The following PTPRN2 variants were observed in gnomAD, a reference collection of about 807,000 sequenced individuals.
PTPRN2 encodes the protein receptor-type tyrosine-protein phosphatase N2.
In PTPRN2, 74 loss-of-function variants were observed where a neutral mutation model predicts 118.8. The ratio of observed to expected loss-of-function variants is 0.62; its 90% CI spans 0.52 to 0.76. The LOEUF is 0.76. PTPRN2 is among the 30% of genes least tolerant of loss of function. The pLI is 0.00. For synonymous variants in PTPRN2, 641 were observed against 608.0 expected (o/e 1.05, Z -0.80); for missense variants, 1,481 against 1,394.4 (o/e 1.06, Z -0.99).
At chr7:158,155,533 CACTATCATCACCATCAACACCATCAT>C in intron 6 of PTPRN2, among the ~76,000 whole-genome samples, 1 of 134,888 alleles carries the variant, frequency 7.4e-6, no homozygotes, top group East Asian at 2.4e-4. Flanking sequence ...TCACCATCAG[CACTATCATCACCATCAACACCATCAT>C]CATCATTGCC....
At chr7:158,442,057 G>A (rs1013723576) in intron 2 of PTPRN2, among the ~76,000 whole-genome samples, 15 of 150,384 alleles carry the variant, frequency 1.0e-4, no homozygotes, top group Non-Finnish European at 1.9e-4. Context: ...TGGTGGTGAT[G>A]GTGATGGCAG....
chr7:157,641,639 A>C (rs1163619395), intron 14 of PTPRN2, among the ~76,000 whole-genome samples: 3 of 152,120 alleles, frequency 2.0e-5, no homozygotes, highest in African/African-American at 4.8e-5. Context: ...CCATCTTTTC[A>C]CTGCAGCACC....
intron 2 of PTPRN2, among the ~76,000 whole-genome samples, chr7:158,390,710 C>T (rs1217486839): frequency 6.6e-6 from 1 of 152,252 alleles, no homozygotes; most frequent in Non-Finnish European, 1.5e-5. Flanking sequence ...AGCCCCTCAG[C>T]TCTCAGCGCA....
At chr7:157,725,621 T>C (rs58678239) in intron 12 of PTPRN2, among the ~76,000 whole-genome samples, 7 of 99,096 alleles carry the variant, frequency 7.1e-5, no homozygotes, top group African/African-American at 1.2e-4. Context: ...CAGAGGAGTG[T>C]GGCCATACCC....
intron 2 of PTPRN2, among the ~76,000 whole-genome samples, chr7:158,479,100 T>C (rs907938880): frequency 2.0e-5 from 3 of 152,008 alleles, no homozygotes; most frequent in Non-Finnish European, 4.4e-5. Flanking sequence ...AGGCCGGAGA[T>C]GCAGACAGAC....
rs1481252122 is a variant in PTPRN2 at position 157,954,504 on chromosome 7, G to A, written c.1724-55767C>T. Reference sequence around the variant, plus strand: ...TGTGGGTGGTGCCTGTGTACTGTGTGTGGTGTGTGTGTGTGGTGCACGTGT... The same window carrying A: ...TGTGGGTGGTGCCTGTGTACTGTGTATGGTGTGTGTGTGTGGTGCACGTGT... On this transcript the variant is annotated intron_variant, in intron 11 of 22. Transcript: ENST00000389418. Among the ~76,000 whole-genome samples the A allele has an allele frequency of 8.1e-4, 69 of 84,936 alleles. 1 individual carries two copies. The highest frequency in any genetic ancestry group is 2.9e-3 in the African/African-American group (65 of 22,142). The allele number at this position is 84,936 out of a possible 152,430, so 55.7% of individuals were successfully genotyped here.
At chr7:157,720,024 T>C (rs1479864757) in intron 12 of PTPRN2, among the ~76,000 whole-genome samples, 1 of 151,218 alleles carries the variant, frequency 6.6e-6, no homozygotes. Flanking sequence ...CAGCCACCGA[T>C]GGAAACGACT....
rs1410234190 is a variant in PTPRN2 at position 157,794,156 on chromosome 7, C to T, written c.1788+104517G>A. On this transcript the variant is annotated intron_variant, in intron 12 of 22. Coordinates refer to ENST00000389418, the MANE Select transcript of PTPRN2 (RefSeq NM_002847.5). This position sits in a 1 kb window ranked among gnomAD's most constrained non-coding sequence, Gnocchi z 5.2. Reference sequence around the variant, plus strand: ...CCTCCCCTCGTTCTCTGCTCTGACCCGGGCTCGCACCTCTCCTCGTTCTCT... The same window carrying T: ...CCTCCCCTCGTTCTCTGCTCTGACCTGGGCTCGCACCTCTCCTCGTTCTCT... Among the ~76,000 whole-genome samples, 2 of 151,530 alleles carry T rather than the reference C, an allele frequency of 1.3e-5. No individual in the cohort carries two copies. The highest frequency in any genetic ancestry group is 1.3e-4 in the Admixed American group (2 of 15,244).
chr7:158,148,545 C>T (rs1820457848), intron 6 of PTPRN2, among the ~76,000 whole-genome samples: 1 of 129,424 alleles, frequency 7.7e-6, no homozygotes, highest in East Asian at 2.2e-4. Flanking sequence ...GGTCTTTCCC[C>T]CTCACTGACA....
chr7:158,055,478 A>C (rs1032098452), intron 11 of PTPRN2, among the ~76,000 whole-genome samples: 2 of 152,200 alleles, frequency 1.3e-5, no homozygotes, highest in African/African-American at 4.8e-5. Flanking sequence ...TTGTGGAGTC[A>C]GGCCCACCCG....
chr7:157,694,177 T>A (rs1350330796), intron 12 of PTPRN2, among the ~76,000 whole-genome samples: 8 of 152,238 alleles, frequency 5.3e-5, no homozygotes, highest in Non-Finnish European at 1.0e-4. Flanking sequence ...CATTCCTGAT[T>A]TGATCTTAAT....
At chr7:158,187,346 T>C (rs1055828426) in intron 5 of PTPRN2, among the ~76,000 whole-genome samples, 1 of 152,222 alleles carries the variant, frequency 6.6e-6, no homozygotes, top group African/African-American at 2.4e-5. Context: ...CAATGATTTA[T>C]AAAATAATTC....
intron 9 of PTPRN2, among the ~76,000 whole-genome samples, chr7:158,128,080 C>T (rs756736015): frequency 5.3e-5 from 8 of 152,318 alleles, no homozygotes; most frequent in Non-Finnish European, 1.2e-4. Context: ...TTCTAAACCA[C>T]ATTCCTCTCC....
chr7:158,446,999 G>A (rs908845731), intron 2 of PTPRN2, among the ~76,000 whole-genome samples: 29 of 152,214 alleles, frequency 1.9e-4, no homozygotes, highest in Admixed American at 1.7e-3. Flanking sequence ...AGATGAAGGC[G>A]GTGACATACG....
chr7:157,975,423 T>A lies in PTPRN2; in HGVS notation c.1724-76686A>T, dbSNP rs139430135. Reference sequence around the variant, plus strand: ...CTCGTCCCTGTGATGTCGGCTCAGGTCACCATTGTGTCCTCTTGCTCTCCT... The same window carrying A: ...CTCGTCCCTGTGATGTCGGCTCAGGACACCATTGTGTCCTCTTGCTCTCCT... On this transcript the variant is annotated intron_variant, in intron 11 of 22. Transcript: ENST00000389418. Among the ~76,000 whole-genome samples the A allele has an allele frequency of 4.5e-3, 692 of 152,254 alleles. 6 individuals are homozygous for A. Among genetic ancestry groups the A allele is most frequent in the African/African-American group, 0.016 (659 of 41,534 alleles).
intron 12 of PTPRN2, chr7:157,863,613 C>G (rs1012519257): frequency 1.3e-5 from 2 of 152,220 alleles, no homozygotes; most frequent in African/African-American, 4.8e-5. Flanking sequence ...GGTTCACTGG[C>G]CCTGTGATGG....
At chr7:158,200,045 G>T (rs1254133833) in intron 4 of PTPRN2, among the ~76,000 whole-genome samples, 1 of 152,080 alleles carries the variant, frequency 6.6e-6, no homozygotes, top group South Asian at 2.1e-4. Context: ...CACAATCCAC[G>T]TATGAGAAGG....
intron 20 of PTPRN2, among the ~76,000 whole-genome samples, chr7:157,570,817 C>A (rs1585045928): frequency 1.3e-5 from 2 of 152,162 alleles, no homozygotes; most frequent in East Asian, 3.9e-4. Flanking sequence ...GTGGTTGAGA[C>A]AATGCAACAG....
In PTPRN2 at chr7:158,306,866, T is replaced by G. The variant is rs985321953; in HGVS notation, c.277+9953A>C. Among the ~76,000 whole-genome samples the G allele has an allele frequency of 1.9e-3, 273 of 142,938 alleles. 2 individuals are homozygous for G. The highest frequency in any genetic ancestry group is 5.2e-3 in the African/African-American group (190 of 36,484). The allele number at this position is 142,938 out of a possible 152,430, so 93.8% of individuals were successfully genotyped here. A position where few individuals can be genotyped will look rare whatever the true frequency, so the allele number is the denominator to read the frequency against. On this transcript the variant is annotated intron_variant, in intron 3 of 22. Transcript: ENST00000389418. ...ATGAGCTGTTTTTTGTTTTTTTTTT[T>G]TTTTTTTTTTTTTTTTTTTAGACAG...
Sources: allele counts gnomAD v4.1 joint callset (sites outside exome capture counted in the v4.1 genomes callset), GRCh38; gene constraint gnomAD v4.1.1; non-coding constraint Gnocchi (gnomAD v3.1); transcripts MANE v1.5; gene names NCBI Gene and HGNC (gene_info 2026-07-23, HGNC 2026-07-21).